MGAT4C: variants seen among roughly 807,000 people sequenced by gnomAD.
MGAT4C encodes MGAT4 family member C.
MGAT4C carries 19 observed loss-of-function variants against 40.1 expected under a neutral mutation model. That is an observed-to-expected ratio of 0.47 (90% confidence interval 0.33 to 0.70). The LOEUF (loss-of-function observed/expected upper bound fraction) is 0.70, where lower values mean the gene tolerates loss of function less well. Ranked by LOEUF, MGAT4C falls within the 30% of genes least tolerant of loss-of-function variation. The pLI, the probability that MGAT4C is intolerant of heterozygous loss-of-function variation, is 0.02. For missense variants in MGAT4C, 491 were observed against 563.2 expected, an observed-to-expected ratio of 0.87 and a Z score of 1.30; for synonymous variants, 181 against 187.1, an observed-to-expected ratio of 0.97 and a Z score of 0.27.
intron 2 of MGAT4C, among the ~76,000 whole-genome samples, chr12:86,032,857 G>A (rs1890888851): frequency 6.7e-6 from 1 of 149,384 alleles, no homozygotes. Flanking sequence ...TGTCCAGAAT[G>A]GTATTTCCTA....
intron 1 of MGAT4C, among the ~76,000 whole-genome samples, chr12:86,173,951 A>G (rs1314873641): frequency 6.6e-6 from 1 of 151,832 alleles, no homozygotes; most frequent in Non-Finnish European, 1.5e-5. Flanking sequence ...GTTGTCTTTA[A>G]CATTTAATAC....
chr12:86,662,281 A>G (rs1410235387), intron 2 of MGAT4C, among the ~76,000 whole-genome samples: 1 of 152,216 alleles, frequency 6.6e-6, no homozygotes, highest in South Asian at 2.1e-4. Flanking sequence ...TTGGAGGAAA[A>G]AAGAATTAAA....
intron 2 of MGAT4C, among the ~76,000 whole-genome samples, chr12:86,682,516 G>A (rs183902630): frequency 3.9e-5 from 6 of 152,016 alleles, no homozygotes; most frequent in East Asian, 1.9e-4. Context: ...GTATTATTTG[G>A]CTATAGCTAT....
intron 2 of MGAT4C, among the ~76,000 whole-genome samples, chr12:86,664,163 C>G (rs1964045545): frequency 6.6e-6 from 1 of 151,138 alleles, no homozygotes; most frequent in Non-Finnish European, 1.5e-5. Context: ...CAATGAACTA[C>G]TTCTACACTG....
At chr12:86,460,537 TTGTA>T (rs1431858464) in intron 2 of MGAT4C, among the ~76,000 whole-genome samples, 2 of 152,188 alleles carry the variant, frequency 1.3e-5, no homozygotes, top group South Asian at 2.1e-4. Context: ...CTGGTTGAAT[TTGTA>T]TGGCCTTTTT....
At chr12:86,129,075 C>T (rs1459722545) in intron 1 of MGAT4C, among the ~76,000 whole-genome samples, 1 of 152,128 alleles carries the variant, frequency 6.6e-6, no homozygotes, top group Non-Finnish European at 1.5e-5. Context: ...GATATGCTGA[C>T]TGACTTTGGT....
intron 1 of MGAT4C, among the ~76,000 whole-genome samples, chr12:86,173,084 G>T (rs995605000): frequency 1.3e-5 from 2 of 152,108 alleles, no homozygotes; most frequent in Non-Finnish European, 2.9e-5. Flanking sequence ...TTCTGCAAGA[G>T]ACTTCCAGTT....
chr12:86,056,323 T>G (rs1893383853), intron 1 of MGAT4C, among the ~76,000 whole-genome samples: 1 of 152,242 alleles, frequency 6.6e-6, no homozygotes, highest in African/African-American at 2.4e-5. Flanking sequence ...CCATGTTGGT[T>G]TGCTTCACCC....
intron 1 of MGAT4C, among the ~76,000 whole-genome samples, chr12:86,732,943 C>T (rs966643279): frequency 2.0e-5 from 3 of 151,990 alleles, no homozygotes; most frequent in African/African-American, 7.2e-5. Flanking sequence ...GTCCTTTTCC[C>T]CCAGCCCAGC....
chr12:86,707,492 A>T (rs1950479719), intron 2 of MGAT4C, among the ~76,000 whole-genome samples: 1 of 150,442 alleles, frequency 6.6e-6, no homozygotes, highest in Non-Finnish European at 1.5e-5. Context: ...CTTGAGAGAG[A>T]TGGTTTAGGG....
chr12:86,533,964 G>A lies in MGAT4C; in HGVS notation c.-228-98699C>T, dbSNP rs564758843. On this transcript the variant is annotated intron_variant, in intron 2 of 7. Transcript: ENST00000548651. Reference sequence around the variant, plus strand: ...GATACCAAATTCCAATTTCATTCTTGAATAGTATCTCATGACAGATAGTAG... The same window carrying A: ...GATACCAAATTCCAATTTCATTCTTAAATAGTATCTCATGACAGATAGTAG... Among the ~76,000 whole-genome samples, 4 of 152,106 alleles carry A rather than the reference G, an allele frequency of 2.6e-5. No homozygotes were observed. The South Asian group carries it at 8.3e-4, about 32-fold the overall frequency.
intron 3 of MGAT4C, among the ~76,000 whole-genome samples, chr12:86,343,273 A>G (rs1382976137): frequency 6.6e-6 from 1 of 152,178 alleles, no homozygotes; most frequent in Non-Finnish European, 1.5e-5. Context: ...TCAGCTTTAC[A>G]TGTTATTGAA....
At chr12:86,339,653 T>C (rs1954866646) in intron 3 of MGAT4C, among the ~76,000 whole-genome samples, 1 of 152,152 alleles carries the variant, frequency 6.6e-6, no homozygotes, top group Non-Finnish European at 1.5e-5. Context: ...ACATTATTTA[T>C]ATGAAAATTT....
rs555282306 is a variant in MGAT4C, at chr12:86,526,872, C to T, written c.-228-91607G>A. Among the ~76,000 whole-genome samples the T allele has an allele frequency of 3.3e-5, 5 of 152,302 alleles. No homozygotes were observed. The South Asian group carries it at 6.2e-4, about 19-fold the overall frequency. On this transcript the variant is annotated intron_variant, in intron 2 of 7. Coordinates refer to the MGAT4C transcript ENST00000548651. ...GTGTCCATGGTGGTGCAGGGGTCTC[C>T]TCCTGCTGGAATTCTAGAGGCCTGT...
chr12:86,472,755 A>G (rs1444545518), intron 2 of MGAT4C, among the ~76,000 whole-genome samples: 1 of 152,170 alleles, frequency 6.6e-6, no homozygotes, highest in Non-Finnish European at 1.5e-5. Flanking sequence ...GAGTCTTAGT[A>G]GTCTTATAAA....
rs370614450 is a variant in MGAT4C at position 85,979,763 on chromosome 12, C to T, written c.963G>A (p.Thr321=). The T allele has an allele frequency of 1.4e-5, 22 of 1,613,500 alleles. No homozygotes were observed. The African/African-American group carries it at 1.7e-4, about 13-fold the overall frequency. The stretch of plus-strand genomic sequence containing the variant: ...AATCATCATCCTTCAGCTTATTCTC[C>T]GTCCCTTTGTATGATGAATAATAGC... ...HMGYYSSYKG[T]ENKLKDDDFE... is the part of the protein sequence containing the mutation. The change falls in exon 5 of 5, where the codon ACG becomes ACA. Residue 321 remains threonine (T), a synonymous_variant. Coordinates refer to ENST00000611864, the MANE Select transcript of MGAT4C (RefSeq NM_001351288.2).
At chr12:86,314,817 C>T (rs1033636813) in intron 4 of MGAT4C, among the ~76,000 whole-genome samples, 1 of 152,114 alleles carries the variant, frequency 6.6e-6, no homozygotes, top group African/African-American at 2.4e-5. Context: ...ACATGGAGCA[C>T]TACAAAACAC....
At chr12:86,105,081 A>G (rs1308123905) in intron 1 of MGAT4C, among the ~76,000 whole-genome samples, 2 of 152,192 alleles carry the variant, frequency 1.3e-5, no homozygotes, top group Non-Finnish European at 2.9e-5. Flanking sequence ...ATGTAAAGGC[A>G]GGTAAAATGT....
chr12:86,441,665 A>T (rs1389781476), intron 2 of MGAT4C, among the ~76,000 whole-genome samples: 1 of 151,926 alleles, frequency 6.6e-6, no homozygotes, highest in African/African-American at 2.4e-5. Context: ...TGTCCCTACA[A>T]AGGACATGAA....
Sources: gnomAD v4.1 joint callset for allele counts (sites outside exome capture counted in the v4.1 genomes callset) on GRCh38, gnomAD v4.1.1 for gene constraint, MANE v1.5 for transcripts, NCBI Gene and HGNC (gene_info 2026-07-23, HGNC 2026-07-21) for gene names.